The following TACC3 variants were observed in gnomAD, a reference collection of about 807,000 sequenced individuals.
TACC3 encodes transforming acidic coiled-coil-containing protein 3.
TACC3 carries 52 observed loss-of-function variants against 86.0 expected under a neutral mutation model. That is an observed-to-expected ratio of 0.60 (90% confidence interval 0.48 to 0.76). TACC3 has a LOEUF of 0.76. TACC3 is among the 30% of genes least tolerant of loss of function. The pLI is 0.00. For missense variants in TACC3, 1,120 were observed against 1,070.4 expected, an observed-to-expected ratio of 1.05 and a Z score of -0.65; for synonymous variants, 512 against 430.0, an observed-to-expected ratio of 1.19 and a Z score of -2.36.
At chr4:1,733,976 C>CA (rs59539835) in intron 6 of TACC3, among the ~76,000 whole-genome samples, 45,004 of 123,186 alleles carry the variant, frequency 0.37, 7,453 homozygotes, top group Non-Finnish European at 0.43. Context: ...GACTCTGTCT[C>CA]AAAAAAAAAA....
intron 1 of TACC3, chr4:1,723,124 C>G: frequency 4.9e-6 from 2 of 410,494 alleles, no homozygotes; most frequent in Non-Finnish European, 8.9e-6. Flanking sequence ...ATTATGCAGG[C>G]TTGGGTTTTC....
chr4:1,730,330 C>T (rs1267000229), intron 4 of TACC3: 1 of 211,340 alleles, frequency 4.7e-6, no homozygotes, highest in Non-Finnish European at 9.8e-6. Flanking sequence ...AGCCACCGCA[C>T]CCGGCGTTTC....
intron 4 of TACC3, among the ~76,000 whole-genome samples, 174 bp downstream of exon 4, chr4:1,728,961 G>A (rs1486117472): frequency 1.3e-5 from 2 of 152,246 alleles, no homozygotes; most frequent in Non-Finnish European, 2.9e-5. Flanking sequence ...AGCTGAGGGT[G>A]CTTGGCCTTG....
At position 1,735,457 on chromosome 4, in the gene TACC3, G is replaced by T; in HGVS notation, c.1644+132G>T. 9.2e-7 allele frequency: 1 copy of T among 1,083,606 alleles called. No individual in the cohort carries two copies. The highest frequency in any genetic ancestry group is 1.5e-5 in the African/African-American group (1 of 64,602). The allele number at this position is 1,083,606 out of a possible 1,614,324, so 67.1% of individuals were successfully genotyped here. ...CACACAGGCCCAGGCATTGTGGCGG[G>T]CTGTGAATCCAGGGCCCCTTCTGCA... is the stretch of plus-strand genomic sequence containing the variant. On this transcript the variant is annotated intron_variant, in intron 7 of 15. Transcript: ENST00000313288. This position sits in a 1 kb window ranked among gnomAD's most constrained non-coding sequence, Gnocchi z 4.2.
At chr4:1,739,413 G>T (rs1718451671) in intron 10 of TACC3, 1 of 508,384 alleles carries the variant, frequency 2.0e-6, no homozygotes, top group Non-Finnish European at 3.5e-6. Context: ...CTGCCACTGG[G>T]CTGCGGGGGC....
At position 1,735,423 on chromosome 4, in the gene TACC3, C is replaced by T. The variant is rs1212312133; in HGVS notation, c.1644+98C>T. On this transcript the variant is annotated intron_variant, in intron 7 of 15. Transcript: ENST00000313288. The surrounding 1 kb of genome is among the most constrained non-coding windows in gnomAD (Gnocchi z 4.2). ...GGAGCGTCCCTTGGTGCCCACGTCC[C>T]CCCAGCTGCACACAGGCCCAGGCAT... 7.2e-7 allele frequency: 1 copy of T among 1,389,122 alleles called. No individual in the cohort carries two copies. Among genetic ancestry groups the T allele is most frequent in the African/African-American group, 1.4e-5 (1 of 70,450 alleles). 86.0% of individuals were successfully genotyped at this position (1,389,122 alleles called of 1,614,324 possible). A position where few individuals can be genotyped will look rare whatever the true frequency, so the allele number is the denominator to read the frequency against.
intron 8 of TACC3, 149 bp from the exon 9 acceptor site, chr4:1,737,092 A>T: frequency 1.6e-6 from 1 of 642,264 alleles, no homozygotes; most frequent in Non-Finnish European, 2.8e-6. Flanking sequence ...GGCATGCTGG[A>T]TGCGGGTCTG....
chr4:1,721,047 A>G (rs368824267), upstream of TACC3: 99 of 277,782 alleles, frequency 3.6e-4, 3 homozygotes, highest in African/African-American at 1.2e-3. Flanking sequence ...GCACTCTAGG[A>G]CATGGAGTCC....
intron 4 of TACC3, among the ~76,000 whole-genome samples, chr4:1,729,055 AC>A (rs1717868797): frequency 6.6e-6 from 1 of 152,170 alleles, no homozygotes; most frequent in Non-Finnish European, 1.5e-5. Context: ...GCCAAATGCA[AC>A]CAACCCTGGG....
At chr4:1,731,901 T>C (rs1040362792) in intron 6 of TACC3, among the ~76,000 whole-genome samples, 2 of 152,256 alleles carry the variant, frequency 1.3e-5, no homozygotes, top group South Asian at 4.1e-4. Flanking sequence ...CCCAAAGTGC[T>C]GGGATTGCAC....
intron 10 of TACC3, chr4:1,738,155 C>T (rs1486634253): frequency 3.0e-6 from 1 of 331,058 alleles, no homozygotes; most frequent in Non-Finnish European, 6.0e-6. Context: ...TGCCAGGCTT[C>T]AGCCTGTTCT....
chr4:1,728,749 T>G lies in TACC3; in HGVS notation c.1347T>G (p.Ala449=). Reference sequence around the variant, plus strand: ...AGCCAGCGGCTGAACAGTTGCATGCTGGGCCTGCCACGGAGGAGCCAGGTC... The same window carrying G: ...AGCCAGCGGCTGAACAGTTGCATGCGGGGCCTGCCACGGAGGAGCCAGGTC... ...LGQPAAEQLH[A]GPATEEPGPC... Residue 449 remains alanine, a synonymous_variant, in exon 4 of 16, where the codon GCT becomes GCG. Coordinates refer to ENST00000313288, the MANE Select transcript of TACC3 (RefSeq NM_006342.3). 6.2e-7 allele frequency: 1 copy of G among 1,611,436 alleles called. No homozygotes were observed. The highest frequency in any genetic ancestry group is 8.5e-7 in the Non-Finnish European group (1 of 1,179,448).
In TACC3 at chr4:1,730,975, T is replaced by C; in HGVS notation, c.1461+13T>C. 1 of 1,613,260 alleles carries C rather than the reference T, an allele frequency of 6.2e-7. No homozygotes were observed. The highest frequency in any genetic ancestry group is 8.5e-7 in the Non-Finnish European group (1 of 1,179,932). On this transcript the variant is annotated intron_variant, in intron 5 of 15. Coordinates refer to ENST00000313288, the MANE Select transcript of TACC3 (RefSeq NM_006342.3). The stretch of plus-strand genomic sequence containing the variant: ...AGCAGAGAGCAAGGTAAGGGGTGCT[T>C]GTGTGGGTACCTGTGCTCCTGGCCT...
chr4:1,728,897 T>A (rs2108689730), intron 4 of TACC3, 110 bp downstream of exon 4: 2 of 1,147,220 alleles, frequency 1.7e-6, no homozygotes, highest in Non-Finnish European at 1.2e-6. Flanking sequence ...TGAGGCCGGG[T>A]AGGTTCTGCC....
In TACC3 at chr4:1,739,703, T is replaced by C. The variant is rs1230837472; in HGVS notation, c.1943T>C (p.Val648Ala). Residue 648 changes from valine to alanine, a missense_variant and splice_region_variant, in exon 11 of 16, where the codon GTA (valine) becomes GCA (alanine). Transcript: ENST00000313288. Reference sequence around the variant, plus strand: ...CTGACTTGGGTGTGGCCTGAGCAGGTAAAGGCGACACAGGAGGAGAACCGG... The same window carrying C: ...CTGACTTGGGTGTGGCCTGAGCAGGCAAAGGCGACACAGGAGGAGAACCGG... The part of the protein sequence containing the change: ...QYSQKDLDAV[V>A]KATQEENREL... The C allele has an allele frequency of 5.1e-6, 8 of 1,576,220 alleles. No individual in the cohort carries two copies. Among genetic ancestry groups the C allele is most frequent in the Non-Finnish European group, 6.9e-6 (8 of 1,162,360 alleles).
chr4:1,735,650 C>G lies in TACC3; in HGVS notation c.1645-81C>G, dbSNP rs1023814001. The G allele has an allele frequency of 2.5e-5, 28 of 1,127,078 alleles. No homozygotes were observed. The highest frequency in any genetic ancestry group is 3.5e-5 in the Non-Finnish European group (26 of 751,788). 69.8% of individuals were successfully genotyped at this position (1,127,078 alleles called of 1,614,324 possible). ...GCGGGTGACCGGGGGTGGGAGTGTG[C>G]AGGTGACCTCCCTGGCCCTTAGCCC... On this transcript the variant is annotated intron_variant, in intron 7 of 15. Coordinates refer to ENST00000313288, the MANE Select transcript of TACC3 (RefSeq NM_006342.3). The surrounding 1 kb of genome is among the most constrained non-coding windows in gnomAD (Gnocchi z 4.2).
chr4:1,733,537 T>C (rs1464805947), intron 6 of TACC3, among the ~76,000 whole-genome samples: 1 of 151,832 alleles, frequency 6.6e-6, no homozygotes, highest in East Asian at 1.9e-4. Flanking sequence ...CGTACACCTA[T>C]AGTCCCAGCT....
chr4:1,741,076 C>T, intron 13 of TACC3, 90 bp downstream of exon 13: 1 of 1,359,596 alleles, frequency 7.4e-7, no homozygotes, highest in Admixed American at 2.3e-5. Flanking sequence ...GTCTTTGCAC[C>T]TTGGTCCTTG....
At position 1,744,980 on chromosome 4, in the gene TACC3, C is replaced by G. The variant is rs755836867; in HGVS notation, c.2484C>G (p.Cys828Trp). 1.2e-6 allele frequency: 2 copies of G among 1,611,034 alleles called. No individual in the cohort carries two copies. The highest frequency in any genetic ancestry group is 1.7e-6 in the Non-Finnish European group (2 of 1,179,184). Residue 828 changes from cysteine to tryptophan, a missense_variant, in exon 16 of 16, where the codon TGC becomes TGG. Physicochemically the swap from Cys to Trp is radical, Grantham distance 215. Transcript: ENST00000313288. Reference protein sequence around the residue: ...TKENEELTRICDDLISKMEKI With the variant: ...TKENEELTRIWDDLISKMEKI The stretch of plus-strand genomic sequence containing the variant: ...AGAACGAGGAGCTGACCAGGATCTG[C>G]GACGACCTCATCTCCAAGATGGAGA...
Sources: gnomAD v4.1 joint callset for allele counts (sites outside exome capture counted in the v4.1 genomes callset) on GRCh38, gnomAD v4.1.1 for gene constraint, Gnocchi (gnomAD v3.1) non-coding constraint, MANE v1.5 for transcripts, NCBI Gene and HGNC (gene_info 2026-07-23, HGNC 2026-07-21) for gene names.